NAA25: variants seen among roughly 807,000 people sequenced by gnomAD.
NAA25 encodes the protein N-alpha-acetyltransferase 25, NatB auxiliary subunit, also known as N-terminal acetyltransferase B complex subunit NAA25.
In NAA25, 30 loss-of-function variants were observed where a neutral mutation model predicts 132.5. The observed-to-expected ratio is 0.23, with a 90% CI of 0.17 to 0.31. The LOEUF is 0.31. NAA25 is among the 10% of genes least tolerant of loss of function. NAA25 has a pLI of 1.00. For missense variants in NAA25, 771 were observed against 1,150.4 expected (o/e 0.67, Z 4.77); for synonymous variants, 359 against 401.9 (o/e 0.89, Z 1.28).
chr12:112,072,763 A>T (rs1182743969), intron 9 of NAA25, among the ~76,000 whole-genome samples: 1 of 151,448 alleles, frequency 6.6e-6, no homozygotes, highest in Non-Finnish European at 1.5e-5. Flanking sequence ...ATGCATGGAG[A>T]CCCCATCTCT....
rs536238257 is a variant in NAA25 at position 112,075,252 on chromosome 12, G to A, written c.776+426C>T. Among the ~76,000 whole-genome samples the A allele has an allele frequency of 4.6e-5, 7 of 151,344 alleles. No homozygotes were observed. The South Asian group carries it at 6.3e-4, about 14-fold the overall frequency. On this transcript the variant is annotated intron_variant, in intron 8 of 23. Transcript: ENST00000261745. ...CACCCAGGCTGGAGTGCAGTGGCAT[G>A]ATCTCAGCTCACTGCAACCTCTGCC...
chr12:112,049,485 T>G lies in NAA25; in HGVS notation c.1729-1042A>C. 1 of 985,886 alleles carries G rather than the reference T, an allele frequency of 1.0e-6. No individual in the cohort carries two copies. Among genetic ancestry groups the G allele is most frequent in the African/African-American group, 1.7e-5 (1 of 57,368 alleles). 61.1% of individuals were successfully genotyped at this position (985,886 alleles called of 1,614,324 possible). On this transcript the variant is annotated intron_variant, in intron 15 of 23. Transcript: ENST00000261745. The surrounding 1 kb of genome is among the most constrained non-coding windows in gnomAD (Gnocchi z 4.7). ...TAGGCCAATAGTCAACAACATACCC[T>G]CTGATATACAGCCTTGCAGGGTTCA...
At chr12:112,107,991 G>T (rs914545997) in intron 1 of NAA25, among the ~76,000 whole-genome samples, 3 of 152,192 alleles carry the variant, frequency 2.0e-5, no homozygotes, top group Admixed American at 1.3e-4. Context: ...AAGGAAAGCT[G>T]CAGAGAAAAC....
intron 12 of NAA25, 74 bp downstream of exon 12, chr12:112,061,107 A>T: frequency 8.4e-7 from 1 of 1,190,038 alleles, no homozygotes; most frequent in South Asian, 1.3e-5. Context: ...AGGGTGCTAC[A>T]GGTGCTTAAA....
At chr12:112,033,040 G>T in intron 23 of NAA25, among the ~76,000 whole-genome samples, 193 bp downstream of exon 23, 1 of 152,178 alleles carries the variant, frequency 6.6e-6, no homozygotes, top group African/African-American at 2.4e-5. Context: ...CGTATGGGGA[G>T]AAATGAAGAG....
intron 3 of NAA25, among the ~76,000 whole-genome samples, chr12:112,088,999 A>AT (rs2079094003): frequency 1.3e-5 from 2 of 152,160 alleles, no homozygotes; most frequent in East Asian, 1.9e-4. Context: ...GGAGTAAATG[A>AT]TTTTTTTTAA....
rs201323614 is a variant in NAA25 at position 112,038,019 on chromosome 12, A to AT, written c.2649+1209dup. 3.3e-5 allele frequency among the ~76,000 whole-genome samples: 5 copies of AT among 151,594 alleles called. No individual in the cohort carries two copies. The East Asian group carries it at 5.8e-4, about 18-fold the overall frequency. ...GATAAGTGGAAAACTTTGAATACTG[A>AT]TTTTTTTTTCCTGAGACGGAGTCTC... On this transcript the variant is annotated intron_variant, in intron 22 of 23. Coordinates refer to ENST00000261745, the MANE Select transcript of NAA25 (RefSeq NM_024953.4).
At chr12:112,108,577 C>G (rs2079401060) in intron 1 of NAA25, 139 bp downstream of exon 1, 1 of 940,398 alleles carries the variant, frequency 1.1e-6, no homozygotes, top group Non-Finnish European at 1.3e-6. Flanking sequence ...GCGGCTGCGG[C>G]CTAGTGGCCC....
chr12:112,105,377 C>T (rs527406122), intron 1 of NAA25, among the ~76,000 whole-genome samples: 7 of 152,074 alleles, frequency 4.6e-5, no homozygotes, highest in South Asian at 4.1e-4. Context: ...CTGGGAACTA[C>T]GTAGCAAAAG....
chr12:112,029,302 A>G lies in NAA25; in HGVS notation c.*229T>C. The stretch of plus-strand genomic sequence containing the variant: ...TTGTTGCTGCCATATGCATATGAAC[A>G]TGTATAAAAAGTGGTCAAACCCAGA... On this transcript the variant is annotated 3_prime_UTR_variant, in exon 24 of 24. Transcript: ENST00000261745. 1.9e-6 allele frequency: 1 copy of G among 538,788 alleles called. No homozygotes were observed. The highest frequency in any genetic ancestry group is 3.2e-6 in the Non-Finnish European group (1 of 311,178). 33.4% of individuals were successfully genotyped at this position (538,788 alleles called of 1,614,324 possible).
intron 1 of NAA25, among the ~76,000 whole-genome samples, chr12:112,106,368 G>T (rs532643552): frequency 2.6e-5 from 4 of 151,378 alleles, no homozygotes; most frequent in African/African-American, 9.7e-5. Context: ...AATTATTCTT[G>T]AAAGTATTGA....
At chr12:112,061,860 T>C (rs1462704133) in intron 11 of NAA25, among the ~76,000 whole-genome samples, 2 of 152,212 alleles carry the variant, frequency 1.3e-5, no homozygotes, top group African/African-American at 4.8e-5. Flanking sequence ...TCAGTGACCC[T>C]ACATTTTTCT....
In NAA25 at chr12:112,087,642, T is replaced by G. The variant is rs757297559; in HGVS notation, c.402+41A>C. On this transcript the variant is annotated intron_variant, in intron 4 of 23. Coordinates refer to ENST00000261745, the MANE Select transcript of NAA25 (RefSeq NM_024953.4). ...ACAAGAAAGAGACTTTTGCCTCTAA[T>G]AGTAAATCCCATAGCCCAGTAGGTT... 6 of 1,372,552 alleles carry G rather than the reference T, an allele frequency of 4.4e-6. No homozygotes were observed. In the South Asian group the frequency reaches 5.9e-5, roughly 14 times the overall value. 85.0% of individuals were successfully genotyped at this position (1,372,552 alleles called of 1,614,324 possible). A position where few individuals can be genotyped will look rare whatever the true frequency, so the allele number is the denominator to read the frequency against.
chr12:112,073,582 G>C (rs1377856694), intron 9 of NAA25, among the ~76,000 whole-genome samples: 1 of 152,028 alleles, frequency 6.6e-6, no homozygotes, highest in Non-Finnish European at 1.5e-5. Flanking sequence ...GACTACAGGC[G>C]CCCGCCACCA....
chr12:112,032,147 T>C (rs769659212), intron 23 of NAA25, among the ~76,000 whole-genome samples: 68 of 151,946 alleles, frequency 4.5e-4, no homozygotes, highest in Non-Finnish European at 4.9e-4. Flanking sequence ...TGTATTTTTT[T>C]AGTAGAGACA....
intron 13 of NAA25, among the ~76,000 whole-genome samples, chr12:112,056,974 G>A (rs1451663534): frequency 6.6e-6 from 1 of 152,106 alleles, no homozygotes; most frequent in Non-Finnish European, 1.5e-5. Flanking sequence ...CGGATCACGA[G>A]GTCAGGAGTT....
chr12:112,068,066 TCTCA>T (rs1284211888), intron 11 of NAA25, among the ~76,000 whole-genome samples: 4 of 151,478 alleles, frequency 2.6e-5, no homozygotes, highest in African/African-American at 9.7e-5. Flanking sequence ...AGAGACAGAG[TCTCA>T]CTCTGTCGCT....
chr12:112,035,326 T>C lies in NAA25; in HGVS notation c.2650-1947A>G, dbSNP rs2078209420. ...CCAATCTGACCTATACTTTCAAACT[T>C]TGCCCTCCTTTTTTTTTTCCTTTTT... is the stretch of plus-strand genomic sequence containing the variant. On this transcript the variant is annotated intron_variant, in intron 22 of 23. Coordinates refer to ENST00000261745, the MANE Select transcript of NAA25 (RefSeq NM_024953.4). 3 of 152,130 alleles carry C rather than the reference T, an allele frequency of 2.0e-5. 1 individual carries two copies. Among genetic ancestry groups the C allele is most frequent in the South Asian group, 4.1e-4 (2 of 4,832 alleles). The allele number at this position is 152,130 out of a possible 1,614,324, so 9.4% of individuals were successfully genotyped here.
chr12:112,071,431 A>G (rs2078806808), intron 10 of NAA25, among the ~76,000 whole-genome samples: 1 of 152,152 alleles, frequency 6.6e-6, no homozygotes, highest in Admixed American at 6.5e-5. Context: ...TCCTGGACTC[A>G]AGAGACTCTC....
Sources: allele counts gnomAD v4.1 joint callset (sites outside exome capture counted in the v4.1 genomes callset), GRCh38; gene constraint gnomAD v4.1.1; non-coding constraint Gnocchi (gnomAD v3.1); transcripts MANE v1.5; gene names NCBI Gene and HGNC (gene_info 2026-07-23, HGNC 2026-07-21).